The following CLIP4 variants were observed in gnomAD, a reference collection of about 807,000 sequenced individuals.
CLIP4 encodes the protein CAP-Gly domain-containing linker protein 4.
Under a neutral mutation model 73.1 loss-of-function variants are expected in CLIP4, and 47 were observed. The ratio of observed to expected loss-of-function variants is 0.64; its 90% CI spans 0.51 to 0.82. The LOEUF (loss-of-function observed/expected upper bound fraction) is 0.82. Ranked by LOEUF, CLIP4 falls within the 40% of genes least tolerant of loss-of-function variation. The probability of loss-of-function intolerance (pLI) is 0.00; values close to 1 mark genes in which losing one functional copy is unlikely to be tolerated. For missense variants in CLIP4, 874 were observed against 852.9 expected (o/e 1.02, Z -0.31); for synonymous variants, 306 against 295.4 (o/e 1.04, Z -0.37).
intron 13 of CLIP4, among the ~76,000 whole-genome samples, chr2:29,166,952 A>C (rs1343906613): frequency 3.9e-5 from 6 of 152,188 alleles, no homozygotes; most frequent in African/African-American, 7.2e-5. Context: ...GAATGATTTG[A>C]ATATCAAAAA....
At chr2:29,110,526 C>T (rs1336237558), upstream of CLIP4, among the ~76,000 whole-genome samples, 4 of 152,068 alleles carry the variant, frequency 2.6e-5, no homozygotes, top group Non-Finnish European at 5.9e-5. Flanking sequence ...CATTTACTGA[C>T]ATAGGGAAGG....
At chr2:29,153,453 G>A (rs1434389686) in intron 9 of CLIP4, among the ~76,000 whole-genome samples, 2 of 151,846 alleles carry the variant, frequency 1.3e-5, no homozygotes, top group Non-Finnish European at 2.9e-5. Flanking sequence ...TTCATATCCT[G>A]TCTCTAGTTC....
intron 1 of CLIP4, among the ~76,000 whole-genome samples, chr2:29,102,108 A>G (rs1274064641): frequency 6.6e-6 from 1 of 152,132 alleles, no homozygotes; most frequent in Admixed American, 6.5e-5. Context: ...TGGTCAGGAA[A>G]ACCCTGTGGG....
intron 13 of CLIP4, 86 bp from the exon 14 acceptor site, chr2:29,167,390 A>G (rs577566140): frequency 3.7e-6 from 3 of 813,618 alleles, no homozygotes; most frequent in Non-Finnish European, 5.8e-6. Flanking sequence ...GAATGACTAC[A>G]ATTGGTGTGA....
chr2:29,109,619 C>T (rs911210638), intron 1 of CLIP4, among the ~76,000 whole-genome samples: 1 of 152,150 alleles, frequency 6.6e-6, no homozygotes, highest in South Asian at 2.1e-4. Flanking sequence ...TCCAATCTAG[C>T]TGTAATTATA....
rs140155244 is a variant in CLIP4 at position 29,165,833 on chromosome 2, T to C, written c.1659-1643T>C. 3.6e-3 allele frequency among the ~76,000 whole-genome samples: 546 copies of C among 152,334 alleles called. 2 individuals carry two copies. Among genetic ancestry groups the C allele is most frequent in the African/African-American group, 0.012 (483 of 41,572 alleles). ...GCTGTAACAGCTTTTTCCTCCTCCT[T>C]TACGTTGTCAAGCCACTTTCTCATG... On this transcript the variant is annotated intron_variant, in intron 13 of 15. Transcript: ENST00000320081.
rs181519337 is a variant in CLIP4, at chr2:29,133,811, C to T, written c.524C>T (p.Pro175Leu). ...AGAGTGATTTTGAAAACATCGAAACCAAAAGGCAAGTATTATAAGATCACC... is the reference window on the plus strand; with the variant it reads ...AGAGTGATTTTGAAAACATCGAAACTAAAAGGCAAGTATTATAAGATCACC... Reference protein sequence around the residue: ...LIRVILKTSKPKDVDATCSDF... With the variant: ...LIRVILKTSKLKDVDATCSDF... Residue 175 changes from proline to leucine, a missense_variant, in exon 5 of 16, where the codon CCA becomes CTA. By Grantham distance (98) the Pro-to-Leu change is moderately conservative. Coordinates refer to ENST00000320081, the MANE Select transcript of CLIP4 (RefSeq NM_024692.6). The T allele has an allele frequency of 3.6e-5, 58 of 1,601,730 alleles. No individual in the cohort carries two copies. In the East Asian group the frequency reaches 1.3e-3, roughly 35 times the overall value.
At chr2:29,098,789 G>A (rs1667952687) in intron 1 of CLIP4, among the ~76,000 whole-genome samples, 1 of 152,212 alleles carries the variant, frequency 6.6e-6, no homozygotes, top group African/African-American at 2.4e-5. Context: ...ACTGCCAAGT[G>A]ATGTTCCACA....
At chr2:29,098,034 C>T (rs1166551137) in intron 1 of CLIP4, 1 of 152,194 alleles carries the variant, frequency 6.6e-6, no homozygotes, top group East Asian at 1.9e-4. Flanking sequence ...GTATCCTGAA[C>T]ACAGCGTAGC....
In CLIP4 at chr2:29,121,268, G is replaced by A. The variant is rs942068782; in HGVS notation, c.-15-106G>A. 11 of 1,114,002 alleles carry A rather than the reference G, an allele frequency of 9.9e-6. No homozygotes were observed. In the African/African-American group the frequency reaches 1.7e-4, roughly 18 times the overall value. The allele number at this position is 1,114,002 out of a possible 1,614,324, so 69.0% of individuals were successfully genotyped here. On this transcript the variant is annotated intron_variant, in intron 1 of 15. Coordinates refer to ENST00000320081, the MANE Select transcript of CLIP4 (RefSeq NM_024692.6). ...TTCATAAAAGATCCTTACTGAAAAT[G>A]TCAGCAGATTTGACGTCAAATAACT...
At chr2:29,107,358 G>GTTTTTTTTTGT in intron 1 of CLIP4, among the ~76,000 whole-genome samples, 3 of 65,360 alleles carry the variant, frequency 4.6e-5, no homozygotes, top group South Asian at 8.1e-4. Context: ...GAACATGATA[G>GTTTTTTTTTGT]TTTTTTTTTT....
At chr2:29,172,393 T>A (rs1668068540) in intron 14 of CLIP4, among the ~76,000 whole-genome samples, 1 of 152,178 alleles carries the variant, frequency 6.6e-6, no homozygotes, top group South Asian at 2.1e-4. Context: ...ATGATAACTT[T>A]ACTGGGTGTA....
At chr2:29,137,399 C>A (rs143693388) in intron 6 of CLIP4, among the ~76,000 whole-genome samples, 1 of 152,064 alleles carries the variant, frequency 6.6e-6, no homozygotes, top group Non-Finnish European at 1.5e-5. Flanking sequence ...CTATATGTAC[C>A]GCATTTTCTT....
intron 1 of CLIP4, among the ~76,000 whole-genome samples, chr2:29,101,300 C>CAAAAAAAA (rs1174781959): frequency 2.4e-5 from 2 of 83,548 alleles, no homozygotes. Context: ...CCCCCCAAAA[C>CAAAAAAAA]AAAAAAAAAA....
chr2:29,140,762 G>A (rs1247330134), intron 6 of CLIP4, among the ~76,000 whole-genome samples: 1 of 152,152 alleles, frequency 6.6e-6, no homozygotes, highest in Non-Finnish European at 1.5e-5. Flanking sequence ...ACATTTTAAT[G>A]ATCGCCATTC....
At chr2:29,167,776 A>C in intron 14 of CLIP4, 1 of 349,128 alleles carries the variant, frequency 2.9e-6, no homozygotes, top group Non-Finnish European at 5.1e-6. Flanking sequence ...CATATACCCC[A>C]TCCTCAGGTG....
At position 29,146,212 on chromosome 2, in the gene CLIP4, A is replaced by G. The variant is rs193088828; in HGVS notation, c.1021+845A>G. Among the ~76,000 whole-genome samples the G allele has an allele frequency of 1.1e-4, 17 of 152,140 alleles. No homozygotes were observed. The East Asian group carries it at 3.3e-3, about 29-fold the overall frequency. On this transcript the variant is annotated intron_variant, in intron 8 of 15. Transcript: ENST00000320081. ...GATTCTTGCTGCCAGCAGTATAGTG[A>G]TTGGGAGAAGGCCTCTGACCAGGGG...
Position 29,143,925 on chromosome 2 carries a change from G to C in CLIP4, c.865G>C (p.Val289Leu). The change falls in exon 7 of 16, where the codon GTT (valine) becomes CTT (leucine). Residue 289 changes from valine (V) to leucine (L), a missense_variant. Val to Leu is a conservative substitution (Grantham distance 32). Coordinates refer to ENST00000320081, the MANE Select transcript of CLIP4 (RefSeq NM_024692.6). ...TSLGLKLGDRVVIAGQKVGTL... is the reference protein window; with the variant it reads ...TSLGLKLGDRLVIAGQKVGTL... ...ACTTGGCCTGAAGTTGGGGGATCGT[G>C]TTGTTATTGCAGGACAGAAGGTACA... The C allele has an allele frequency of 6.2e-7, 1 of 1,614,124 alleles. No homozygotes were observed. The highest frequency in any genetic ancestry group is 8.5e-7 in the Non-Finnish European group (1 of 1,179,976).
chr2:29,165,259 T>C (rs534915760), intron 13 of CLIP4, among the ~76,000 whole-genome samples: 4 of 81,074 alleles, frequency 4.9e-5, no homozygotes, highest in Admixed American at 1.6e-4. Context: ...TCTTTCTTTC[T>C]TTCTTTTTTT....
Sources: allele counts gnomAD v4.1 joint callset (sites outside exome capture counted in the v4.1 genomes callset), GRCh38; gene constraint gnomAD v4.1.1; transcripts MANE v1.5; gene names NCBI Gene and HGNC (gene_info 2026-07-23, HGNC 2026-07-21).